Variants in CA5B observed in about 807,000 individuals in gnomAD.
CA5B encodes the protein carbonic anhydrase 5B, mitochondrial.
In CA5B, 15 loss-of-function variants were observed where a neutral mutation model predicts 23.1. The ratio of observed to expected loss-of-function variants is 0.65; its 90% CI spans 0.43 to 1.00. CA5B has a LOEUF of 1.00. Ranked by LOEUF, CA5B falls within the 50% of genes least tolerant of loss-of-function variation. The probability of loss-of-function intolerance (pLI) is 0.00; values close to 1 mark genes in which losing one functional copy is unlikely to be tolerated. For missense variants in CA5B, 236 were observed against 252.2 expected (o/e 0.94, Z 0.43); for synonymous variants, 84 against 98.5 (o/e 0.85, Z 0.87).
chrX:15,764,916 T>C, intron 3 of CA5B, 141 bp downstream of exon 3: 2 of 1,009,162 alleles, frequency 2.0e-6, no homozygotes, highest in South Asian at 2.4e-5. Flanking sequence ...ACTTTTTGAA[T>C]GTGTGAAAAA....
chrX:15,757,630 C>T (rs1306254333), intron 2 of CA5B, among the ~76,000 whole-genome samples: 7 of 108,639 alleles, frequency 6.4e-5, no homozygotes, highest in African/African-American at 1.3e-4. Flanking sequence ...ATTGCTTGAA[C>T]GCAGGAGGTG....
intron 1 of CA5B, among the ~76,000 whole-genome samples, chrX:15,742,900 G>A (rs1198540476): frequency 8.9e-6 from 1 of 112,012 alleles, no homozygotes; most frequent in Non-Finnish European, 1.9e-5. Flanking sequence ...ATGCTAGCCA[G>A]TACCGATGCT....
At chrX:15,777,477 T>A (rs905768981) in intron 7 of CA5B, among the ~76,000 whole-genome samples, 2 of 111,328 alleles carry the variant, frequency 1.8e-5, no homozygotes, top group Admixed American at 1.9e-4. Context: ...AAAAAAAGCT[T>A]CCAAATTCTT....
chrX:15,741,967 C>G (rs1054989825), intron 1 of CA5B, among the ~76,000 whole-genome samples: 1 of 111,870 alleles, frequency 8.9e-6, no homozygotes, highest in Non-Finnish European at 1.9e-5. Context: ...TGTCACTGCC[C>G]AGTTCAGTGC....
Position 15,782,886 on chromosome X carries a change from T to A in CA5B, c.*222T>A. 1 of 331,500 alleles carries A rather than the reference T, an allele frequency of 3.0e-6. No individual in the cohort carries two copies. The highest frequency in any genetic ancestry group is 5.2e-6 in the Non-Finnish European group (1 of 192,584). The allele number at this position is 331,500 out of a possible 1,213,427, so 27.3% of individuals were successfully genotyped here. ...CTGTTGGTAATTGTAATGCCTTTTT[T>A]TTTTCTTTAAGAGACTAGGTCTTGC... On this transcript the variant is annotated 3_prime_UTR_variant, in exon 8 of 8. Transcript: ENST00000318636.
chrX:15,776,061 G>A (rs938339674), intron 6 of CA5B: 85 of 740,329 alleles, frequency 1.1e-4, no homozygotes, highest in Non-Finnish European at 1.3e-4. Context: ...GCCTCCAACC[G>A]GGCGCAGTGG....
intron 2 of CA5B, among the ~76,000 whole-genome samples, chrX:15,762,234 C>T (rs1931617405): frequency 9.3e-6 from 1 of 107,520 alleles, no homozygotes; most frequent in African/African-American, 3.4e-5. Flanking sequence ...CATGCCACTG[C>T]ACTCCAGCCT....
intron 2 of CA5B, among the ~76,000 whole-genome samples, chrX:15,755,066 A>T (rs1382478952): frequency 8.9e-6 from 1 of 112,442 alleles, no homozygotes; most frequent in Non-Finnish European, 1.9e-5. Context: ...ATTAATTTTG[A>T]AGAATAAAAA....
Position 15,782,671 on chromosome X carries a change from C to A in CA5B, c.*7C>A, listed in dbSNP as rs191657961. 502 of 1,157,502 alleles carry A rather than the reference C, an allele frequency of 4.3e-4. 1 individual carries two copies. The highest frequency in any genetic ancestry group is 4.2e-3 in the African/African-American group (233 of 55,206). Reference sequence around the variant, plus strand: ...CAGCCAAGCAACCCCCTAAAACATTCATATCTAGGCAGTATTTTGCTTTTG... The same window carrying A: ...CAGCCAAGCAACCCCCTAAAACATTAATATCTAGGCAGTATTTTGCTTTTG... On this transcript the variant is annotated 3_prime_UTR_variant, in exon 8 of 8. Coordinates refer to ENST00000318636, the MANE Select transcript of CA5B (RefSeq NM_007220.4).
intron 7 of CA5B, among the ~76,000 whole-genome samples, chrX:15,781,574 T>C (rs1303915940): frequency 9.0e-6 from 1 of 111,363 alleles, no homozygotes; most frequent in African/African-American, 3.3e-5. Flanking sequence ...TTGCAGAAAG[T>C]TCTATTGGAC....
intron 2 of CA5B, among the ~76,000 whole-genome samples, chrX:15,752,911 C>G (rs1931405693): frequency 9.0e-6 from 1 of 111,584 alleles, no homozygotes; most frequent in Non-Finnish European, 1.9e-5. Flanking sequence ...CATTCCCTTT[C>G]TACCAATCCC....
chrX:15,763,386 G>A (rs764489176), intron 2 of CA5B, among the ~76,000 whole-genome samples: 5 of 112,301 alleles, frequency 4.5e-5, no homozygotes, highest in African/African-American at 6.5e-5. Context: ...GGAAATTCTC[G>A]ATGAAGAAAA....
chrX:15,748,708 A>AAC (rs1931288758), intron 1 of CA5B, among the ~76,000 whole-genome samples: 1 of 58,293 alleles, frequency 1.7e-5, no homozygotes, highest in Non-Finnish European at 2.9e-5. Context: ...TATAGTGAGA[A>AAC]CCCCCCCCCC....
At chrX:15,772,435 C>A in intron 3 of CA5B, 61 bp from the exon 4 acceptor site, 3 of 756,047 alleles carry the variant, frequency 4.0e-6, no homozygotes. Context: ...TTTGGCCTTT[C>A]ACCCACATTC....
intron 2 of CA5B, among the ~76,000 whole-genome samples, chrX:15,762,229 C>T (rs745754136): frequency 1.9e-5 from 2 of 108,069 alleles, no homozygotes; most frequent in Admixed American, 2.0e-4. Context: ...AAGATCATGC[C>T]ACTGCACTCC....
At chrX:15,752,561 T>TAAA in intron 2 of CA5B, among the ~76,000 whole-genome samples, 1 of 110,528 alleles carries the variant, frequency 9.0e-6, no homozygotes, top group Non-Finnish European at 1.9e-5. Flanking sequence ...CCGTCTCTAC[T>TAAA]AAAAATACAG....
At position 15,750,119 on chromosome X, in the gene CA5B, G is replaced by A; in HGVS notation, c.96G>A (p.Arg32=). The change falls in exon 2 of 8, where the codon AGG becomes AGA. Residue 32 remains arginine (R), a synonymous_variant. Coordinates refer to ENST00000318636, the MANE Select transcript of CA5B (RefSeq NM_007220.4). ...AGATTCCGAGATTCATGCCAGCGAGGCCCTGCAGCCTCTATACTTGTACTT... is the reference window on the plus strand; with the variant it reads ...AGATTCCGAGATTCATGCCAGCGAGACCCTGCAGCCTCTATACTTGTACTT... ...KFQIPRFMPA[R]PCSLYTCTYK... 2 of 1,211,476 alleles carry A rather than the reference G, an allele frequency of 1.7e-6. No individual in the cohort carries two copies. Among genetic ancestry groups the A allele is most frequent in the Non-Finnish European group, 2.2e-6 (2 of 895,339 alleles).
intron 1 of CA5B, 121 bp from the exon 2 acceptor site, chrX:15,749,850 C>T: frequency 2.1e-6 from 1 of 483,965 alleles, no homozygotes; most frequent in Non-Finnish European, 3.4e-6. Flanking sequence ...CTCATCTGCC[C>T]TCCCTCCCTC....
chrX:15,765,027 G>A, intron 3 of CA5B: 1 of 359,290 alleles, frequency 2.8e-6, no homozygotes, highest in Non-Finnish European at 4.7e-6. Flanking sequence ...ATTTATAATT[G>A]GTATAGAGCA....
Sources: allele counts gnomAD v4.1 joint callset (sites outside exome capture counted in the v4.1 genomes callset), GRCh38; gene constraint gnomAD v4.1.1; transcripts MANE v1.5; gene names NCBI Gene and HGNC (gene_info 2026-07-23, HGNC 2026-07-21).